LOC128462377: variants seen among roughly 807,000 people sequenced by gnomAD.
At chr16:89,336,742 T>C in the LOC128462377 span, among the ~76,000 whole-genome samples, 20 of 152,212 alleles carry the variant, frequency 1.3e-4, no homozygotes, top group Non-Finnish European at 4.4e-5. Context: ...TCTACCTATC[T>C]GCTTCTAATG....
the LOC128462377 span, among the ~76,000 whole-genome samples, chr16:89,377,210 T>A: frequency 5.9e-5 from 9 of 151,932 alleles, no homozygotes; most frequent in African/African-American, 1.9e-4. Flanking sequence ...TAGATCGGGG[T>A]CATAGGACCT....
the LOC128462377 span, among the ~76,000 whole-genome samples, chr16:89,334,218 G>A: frequency 2.8e-4 from 42 of 149,756 alleles, 1 homozygote; most frequent in Admixed American, 2.3e-3. Context: ...CCCAAGCTGC[G>A]GGCTCAGGAC....
the LOC128462377 span, among the ~76,000 whole-genome samples, chr16:89,415,847 A>AAAAAAAAAAAAAAAAAAAAAAAAAAAC: frequency 6.8e-6 from 1 of 147,122 alleles, no homozygotes; most frequent in Non-Finnish European, 1.5e-5. Context: ...AAAAAAAAAA[A>AAAAAAAAAAAAAAAAAAAAAAAAAAAC]AAACAATGGA....
chr16:89,345,620 G>C, the LOC128462377 span, among the ~76,000 whole-genome samples: 1 of 152,186 alleles, frequency 6.6e-6, no homozygotes, highest in African/African-American at 2.4e-5. Flanking sequence ...CAGGCTAAGG[G>C]AAAAAAGTAA....
At chr16:89,371,124 G>A in the LOC128462377 span, among the ~76,000 whole-genome samples, 1 of 152,148 alleles carries the variant, frequency 6.6e-6, no homozygotes. Context: ...GGGGAAGACG[G>A]GACGAGCGTC....
chr16:89,417,007 C>A, the LOC128462377 span, among the ~76,000 whole-genome samples: 1 of 152,092 alleles, frequency 6.6e-6, no homozygotes, highest in African/African-American at 2.4e-5. Flanking sequence ...ACAAACATGC[C>A]CACTACCCAG....
chr16:89,323,630 G>C, the LOC128462377 span: 2 of 326,262 alleles, frequency 6.1e-6, no homozygotes, highest in South Asian at 4.7e-5. Flanking sequence ...CCGAGGGACA[G>C]AGGCCCTCAC....
the LOC128462377 span, among the ~76,000 whole-genome samples, chr16:89,328,140 A>G: frequency 9.4e-6 from 1 of 106,412 alleles, no homozygotes; most frequent in East Asian, 2.8e-4. Flanking sequence ...ACACAACTTA[A>G]AGCCGCAATG....
At chr16:89,404,963 G>C in the LOC128462377 span, among the ~76,000 whole-genome samples, 6 of 152,300 alleles carry the variant, frequency 3.9e-5, no homozygotes, top group East Asian at 1.2e-3. Context: ...AATGTAGTTT[G>C]TTGTTTTAAA....
chr16:89,317,565 G>A, the LOC128462377 span, among the ~76,000 whole-genome samples: 4 of 152,096 alleles, frequency 2.6e-5, no homozygotes, highest in Non-Finnish European at 4.4e-5. Context: ...AGGAGCTCCT[G>A]TCCCCACCAG....
chr16:89,413,209 A>G, the LOC128462377 span, among the ~76,000 whole-genome samples: 2 of 152,238 alleles, frequency 1.3e-5, no homozygotes, highest in Non-Finnish European at 2.9e-5. Context: ...GAACTCTAAA[A>G]TAAAAACTGA....
chr16:89,367,144 T>A, the LOC128462377 span, among the ~76,000 whole-genome samples: 6 of 151,870 alleles, frequency 4.0e-5, no homozygotes, highest in South Asian at 1.3e-3. Flanking sequence ...CCCGCACCCA[T>A]CGGTGAGGAA....
At chr16:89,330,565 G>A in the LOC128462377 span, among the ~76,000 whole-genome samples, 3 of 151,254 alleles carry the variant, frequency 2.0e-5, no homozygotes, top group Non-Finnish European at 2.9e-5. Context: ...GGTGTGGGGG[G>A]GAGCCACGGC....
chr16:89,415,261 CTTTT>C, the LOC128462377 span, among the ~76,000 whole-genome samples: 57 of 84,536 alleles, frequency 6.7e-4, no homozygotes, highest in African/African-American at 2.7e-3. Flanking sequence ...GCCAGCTATT[CTTTT>C]TTTTTTTTTT....
At chr16:89,357,415 T>C in the LOC128462377 span, among the ~76,000 whole-genome samples, 1 of 152,080 alleles carries the variant, frequency 6.6e-6, no homozygotes, top group Non-Finnish European at 1.5e-5. Context: ...CGTGCATTGC[T>C]GGTGGGAACA....
the LOC128462377 span, among the ~76,000 whole-genome samples, chr16:89,362,978 G>A: frequency 6.4e-3 from 972 of 151,906 alleles, 10 homozygotes; most frequent in African/African-American, 0.022. Flanking sequence ...CGGACACAGC[G>A]TCAGGTTATA....
chr16:89,409,760 G>C, the LOC128462377 span, among the ~76,000 whole-genome samples: 419 of 152,240 alleles, frequency 2.8e-3, 3 homozygotes, highest in African/African-American at 9.7e-3. Flanking sequence ...GCATTTTATA[G>C]GATTTCTTTA....
the LOC128462377 span, among the ~76,000 whole-genome samples, chr16:89,335,992 GGTCTTTTATTA>G: frequency 6.6e-6 from 1 of 152,158 alleles, no homozygotes; most frequent in Non-Finnish European, 1.5e-5. Context: ...CTCTCAGATG[GGTCTTTTATTA>G]GAGTTTCTAA....
the LOC128462377 span, among the ~76,000 whole-genome samples, chr16:89,374,902 T>G: frequency 6.6e-6 from 1 of 152,152 alleles, no homozygotes; most frequent in South Asian, 2.1e-4. Context: ...TGGAAAGAAT[T>G]ACAAACCATA....
Sources: gnomAD v4.1 joint callset for allele counts (sites outside exome capture counted in the v4.1 genomes callset) on GRCh38, gnomAD v4.1.1 for gene constraint, MANE v1.5 for transcripts.